Variants in DNAH7 observed in about 807,000 individuals in gnomAD.
DNAH7 encodes the protein dynein axonemal heavy chain 7, also known as axonemal beta dynein heavy chain 7.
Under a neutral mutation model 444.6 loss-of-function variants are expected in DNAH7, and 397 were observed. The observed-to-expected ratio is 0.89, with a 90% CI of 0.82 to 0.97. DNAH7 has a LOEUF of 0.97. Among genes scored for constraint, DNAH7 ranks in the 50% least tolerant of loss-of-function variants. The pLI, the probability that DNAH7 is intolerant of heterozygous loss-of-function variation, is 0.00. For missense variants in DNAH7, 4,902 were observed against 4,800.8 expected (o/e 1.02, Z -0.62); for synonymous variants, 1,636 against 1,624.4 (o/e 1.01, Z -0.17).
chr2:196,004,241 T>C (rs1311646626), intron 10 of DNAH7, among the ~76,000 whole-genome samples: 2 of 152,146 alleles, frequency 1.3e-5, no homozygotes, highest in African/African-American at 4.8e-5. Flanking sequence ...AAAAGAAAGC[T>C]ACCAGAGACA....
At chr2:195,873,791 C>G in intron 38 of DNAH7, 97 bp from the exon 39 acceptor site, 1 of 880,298 alleles carries the variant, frequency 1.1e-6, no homozygotes, top group Non-Finnish European at 1.6e-6. Context: ...GAAAGATGGA[C>G]AAATTCACGG....
Position 195,864,615 on chromosome 2 carries a change from C to G in DNAH7, c.7040G>C (p.Arg2347Thr). The change falls in exon 41 of 65, where the codon AGG (arginine) becomes ACG (threonine). Residue 2347 changes from arginine to threonine, a missense_variant. Arg to Thr is a moderately conservative substitution (Grantham distance 71). Coordinates refer to ENST00000312428, the MANE Select transcript of DNAH7 (RefSeq NM_018897.3). Reference protein sequence around the residue: ...ALLVGVGGSGRQSVTRLAAHM... With the variant: ...ALLVGVGGSGTQSVTRLAAHM... The stretch of plus-strand genomic sequence containing the variant: ...GGCAGCTAATCTGGTGACAGACTGC[C>G]TTCCACTCCCTCCAACCCCTACTAG... 1 of 1,614,186 alleles carries G rather than the reference C, an allele frequency of 6.2e-7. No homozygotes were observed. Among genetic ancestry groups the G allele is most frequent in the African/African-American group, 1.3e-5 (1 of 75,028 alleles).
chr2:196,062,201 C>G (rs143307861), intron 1 of DNAH7, among the ~76,000 whole-genome samples: 58 of 152,278 alleles, frequency 3.8e-4, no homozygotes, highest in Middle Eastern at 6.8e-3. Context: ...TGACTGAGAC[C>G]TCTAATATCT....
chr2:195,779,251 T>A (rs987937609), intron 58 of DNAH7, among the ~76,000 whole-genome samples: 13 of 152,226 alleles, frequency 8.5e-5, no homozygotes, highest in African/African-American at 2.9e-4. Flanking sequence ...ATTAAACACT[T>A]TCATTGCTTC....
At position 195,864,599 on chromosome 2, in the gene DNAH7, T is replaced by C. The variant is rs767552053; in HGVS notation, c.7056A>G (p.Arg2352=). 6.2e-7 allele frequency: 1 copy of C among 1,614,200 alleles called. No individual in the cohort carries two copies. ...AATAATCAGCCATGTGGGCAGCTAA[T>C]CTGGTGACAGACTGCCTTCCACTCC... is the stretch of plus-strand genomic sequence containing the variant. The part of the protein sequence containing the change: ...VGGSGRQSVT[R]LAAHMADYSV... Residue 2352 remains arginine (R), a synonymous_variant, in exon 41 of 65, where the codon AGA becomes AGG. Transcript: ENST00000312428.
chr2:195,762,792 C>CA (rs1486732164), intron 61 of DNAH7, among the ~76,000 whole-genome samples: 2 of 151,984 alleles, frequency 1.3e-5, no homozygotes, highest in African/African-American at 4.8e-5. Context: ...GAGACTTCAA[C>CA]ACCCTACTTT....
intron 45 of DNAH7, among the ~76,000 whole-genome samples, chr2:195,854,525 A>AT (rs955785293): frequency 8.3e-4 from 127 of 152,162 alleles, no homozygotes; most frequent in Non-Finnish European, 1.2e-4. Context: ...CCTAAATTTA[A>AT]TTTTTTTCCC....
In DNAH7 at chr2:195,737,710, G is replaced by T; in HGVS notation, c.*211C>A. 1 of 447,542 alleles carries T rather than the reference G, an allele frequency of 2.2e-6. No individual in the cohort carries two copies. The highest frequency in any genetic ancestry group is 4.0e-6 in the Non-Finnish European group (1 of 249,654). 27.7% of individuals were successfully genotyped at this position (447,542 alleles called of 1,614,324 possible). On this transcript the variant is annotated 3_prime_UTR_variant, in exon 65 of 65. Coordinates refer to ENST00000312428, the MANE Select transcript of DNAH7 (RefSeq NM_018897.3). ...ACTCAAAGAGAGCAAATATGCCAGT[G>T]TGTTTTCTTTAGTCTTTATTTCAGA...
chr2:195,922,422 T>A (rs1688079603), intron 23 of DNAH7, among the ~76,000 whole-genome samples: 1 of 152,202 alleles, frequency 6.6e-6, no homozygotes, highest in Admixed American at 6.5e-5. Context: ...GTCCCTTACC[T>A]CTTCCATATT....
At chr2:195,993,315 G>C (rs544948605) in intron 12 of DNAH7, among the ~76,000 whole-genome samples, 1 of 152,262 alleles carries the variant, frequency 6.6e-6, no homozygotes, top group South Asian at 2.1e-4. Flanking sequence ...ATCAGGAGAG[G>C]TTCTGTCCCT....
At chr2:196,066,221 T>C (rs1698422256) in intron 1 of DNAH7, among the ~76,000 whole-genome samples, 1 of 152,236 alleles carries the variant, frequency 6.6e-6, no homozygotes, top group Non-Finnish European at 1.5e-5. Flanking sequence ...ATGTGTCTGG[T>C]TAAATCAACA....
intron 10 of DNAH7, among the ~76,000 whole-genome samples, chr2:196,010,632 T>C (rs181262546): frequency 7.2e-5 from 11 of 152,344 alleles, no homozygotes; most frequent in Non-Finnish European, 1.0e-4. Context: ...CCCATGTTTA[T>C]TGCAGCACTG....
rs368847016 is a variant in DNAH7, at chr2:195,988,301, C to T, written c.1354-72G>A. The T allele has an allele frequency of 3.9e-5, 50 of 1,276,630 alleles. No homozygotes were observed. In the East Asian group the frequency reaches 4.1e-4, roughly 11 times the overall value. The allele number at this position is 1,276,630 out of a possible 1,614,324, so 79.1% of individuals were successfully genotyped here. Reference sequence around the variant, plus strand: ...ACTATATCATTTATCTTTGTACAAACGCCAATCTTACAATGTTTCTTGTCT... The same window carrying T: ...ACTATATCATTTATCTTTGTACAAATGCCAATCTTACAATGTTTCTTGTCT... On this transcript the variant is annotated intron_variant, in intron 12 of 64. Transcript: ENST00000312428.
At chr2:195,865,619 C>A (rs889421895) in intron 40 of DNAH7, among the ~76,000 whole-genome samples, 1 of 152,180 alleles carries the variant, frequency 6.6e-6, no homozygotes, top group Admixed American at 6.5e-5. Flanking sequence ...TGTTATGGGA[C>A]TGCAAGAAAC....
At chr2:196,041,663 G>C (rs1696768779) in intron 5 of DNAH7, among the ~76,000 whole-genome samples, 1 of 151,642 alleles carries the variant, frequency 6.6e-6, no homozygotes, top group Non-Finnish European at 1.5e-5. Flanking sequence ...GATTTTTTGG[G>C]GTAAGACCTC....
At chr2:196,026,166 A>G (rs1472281192) in intron 7 of DNAH7, among the ~76,000 whole-genome samples, 1 of 152,218 alleles carries the variant, frequency 6.6e-6, no homozygotes, top group East Asian at 1.9e-4. Context: ...AAAAGCAGCC[A>G]GATTTGTAGA....
chr2:195,880,264 TAAGCA>T (rs1701295161), intron 36 of DNAH7, among the ~76,000 whole-genome samples: 1 of 151,450 alleles, frequency 6.6e-6, no homozygotes, highest in Non-Finnish European at 1.5e-5. Flanking sequence ...CCTAAACAAA[TAAGCA>T]AAGATAAGAA....
intron 61 of DNAH7, among the ~76,000 whole-genome samples, chr2:195,771,068 T>G (rs1694814217): frequency 6.6e-6 from 1 of 150,878 alleles, no homozygotes; most frequent in African/African-American, 2.4e-5. Flanking sequence ...ACACCTATAG[T>G]CCCTGCACTT....
intron 46 of DNAH7, 35 bp from the exon 47 acceptor site, chr2:195,845,200 A>T (rs779060607): frequency 1.3e-6 from 2 of 1,550,220 alleles, no homozygotes; most frequent in South Asian, 2.4e-5. Flanking sequence ...AAGAAATGAG[A>T]CTGGAGGTTA....
Sources: allele counts gnomAD v4.1 joint callset (sites outside exome capture counted in the v4.1 genomes callset), GRCh38; gene constraint gnomAD v4.1.1; transcripts MANE v1.5; gene names NCBI Gene and HGNC (gene_info 2026-07-23, HGNC 2026-07-21).